Variants in NFKB1 observed in about 807,000 individuals in gnomAD.
The protein encoded by NFKB1 is nuclear factor kappa B subunit 1.
In NFKB1, 9 loss-of-function variants were observed where a neutral mutation model predicts 105.1. The ratio of observed to expected loss-of-function variants is 0.09; its 90% CI spans 0.05 to 0.15. NFKB1 has a LOEUF of 0.15. Among genes scored for constraint, NFKB1 ranks in the 10% least tolerant of loss-of-function variants. The pLI is 1.00. For synonymous variants in NFKB1, 440 were observed against 442.2 expected, an observed-to-expected ratio of 1.00 and a Z score of 0.06; for missense variants, 830 against 1,203.7, an observed-to-expected ratio of 0.69 and a Z score of 4.59.
chr4:102,566,373 A>T (rs1282401062), intron 5 of NFKB1, among the ~76,000 whole-genome samples: 1 of 152,230 alleles, frequency 6.6e-6, no homozygotes, highest in Non-Finnish European at 1.5e-5. Flanking sequence ...ACCTGAGCAT[A>T]TGTAACTCAA....
intron 8 of NFKB1, 91 bp from the exon 9 acceptor site, chr4:102,580,444 C>A: frequency 2.1e-6 from 2 of 940,764 alleles, no homozygotes; most frequent in South Asian, 2.8e-5. Flanking sequence ...TTGTTTTGGT[C>A]ATGTGTGCTA....
At chr4:102,501,864 C>G (rs537742116) in intron 1 of NFKB1, 76 bp downstream of exon 1, 1 of 152,598 alleles carries the variant, frequency 6.6e-6, no homozygotes, top group African/African-American at 2.4e-5. Context: ...CCTCCGCACC[C>G]CCTCCAGCCC....
chr4:102,616,128 C>G (rs1203819957), intron 23 of NFKB1, among the ~76,000 whole-genome samples: 1 of 152,044 alleles, frequency 6.6e-6, no homozygotes, highest in Non-Finnish European at 1.5e-5. Context: ...CACTTGATTT[C>G]TAAGGGAAAA....
At chr4:102,561,265 C>CTTTTTTTTTTTTTT in intron 5 of NFKB1, among the ~76,000 whole-genome samples, 1 of 138,290 alleles carries the variant, frequency 7.2e-6, no homozygotes, top group Non-Finnish European at 1.5e-5. Context: ...TCTTTCTTTC[C>CTTTTTTTTTTTTTT]TTTTTTTTTT....
At position 102,559,952 on chromosome 4, in the gene NFKB1, A is replaced by AG. The variant is rs937025420; in HGVS notation, c.259-7035_259-7034insG. Among the ~76,000 whole-genome samples, 17 of 150,016 alleles carry AG rather than the reference A, an allele frequency of 1.1e-4. No homozygotes were observed. The East Asian group carries it at 1.7e-3, about 15-fold the overall frequency. On this transcript the variant is annotated intron_variant, in intron 5 of 23. Transcript: ENST00000226574. ...GACCCTGTCCCTTTAAAAAAAAAAA[A>AG]AAAGAAAGAAAGAAAAAGAAATATA... is the stretch of plus-strand genomic sequence containing the variant.
At chr4:102,601,066 C>G in intron 16 of NFKB1, 57 bp downstream of exon 16, 1 of 1,135,164 alleles carries the variant, frequency 8.8e-7, no homozygotes, top group South Asian at 1.3e-5. Flanking sequence ...ACTTTTTCTT[C>G]TGTTATGTTT....
intron 4 of NFKB1, among the ~76,000 whole-genome samples, chr4:102,535,343 G>A (rs748242664): frequency 6.6e-6 from 1 of 151,996 alleles, no homozygotes; most frequent in Non-Finnish European, 1.5e-5. Context: ...CCTTATTATG[G>A]ATCCAACAGT....
At chr4:102,593,212 C>G (rs1726314870) in intron 11 of NFKB1, 2 of 413,690 alleles carry the variant, frequency 4.8e-6, no homozygotes. Context: ...TGGGTGTGTA[C>G]TGCTCTGTGG....
In NFKB1 at chr4:102,596,218, A is replaced by T. The variant is rs766947944; in HGVS notation, c.1381A>T (p.Lys461Ter). Residue 461 changes from lysine to a stop codon, truncating the protein, a stop_gained, in exon 14 of 24, where the codon AAA becomes TAA. Coordinates refer to ENST00000226574, the MANE Select transcript of NFKB1 (RefSeq NM_003998.4). LOFTEE classifies it high-confidence loss of function. ...DDKNTVNLFG[K>*]VIETTEQDQE... The stretch of plus-strand genomic sequence containing the variant: ...CAAAAACACTGTAAACCTCTTTGGG[A>T]AAGTTATTGAAACCACAGAGCAAGA... 6.2e-7 allele frequency: 1 copy of T among 1,613,542 alleles called. No individual in the cohort carries two copies. Among genetic ancestry groups the T allele is most frequent in the African/African-American group, 1.3e-5 (1 of 75,048 alleles).
At chr4:102,533,097 C>T (rs1263805605) in intron 3 of NFKB1, among the ~76,000 whole-genome samples, 2 of 151,994 alleles carry the variant, frequency 1.3e-5, no homozygotes, top group East Asian at 1.9e-4. Context: ...TTATAAAATG[C>T]CTGAGATGTT....
At chr4:102,527,442 G>A (rs916895099) in intron 2 of NFKB1, among the ~76,000 whole-genome samples, 2 of 152,006 alleles carry the variant, frequency 1.3e-5, no homozygotes, top group Admixed American at 1.3e-4. Flanking sequence ...TTAAAATAGT[G>A]GATTTCTGAA....
At chr4:102,609,545 G>A (rs531188901) in intron 19 of NFKB1, among the ~76,000 whole-genome samples, 1 of 144,040 alleles carries the variant, frequency 6.9e-6, no homozygotes, top group East Asian at 2.2e-4. Flanking sequence ...CCTGGAGGCT[G>A]AGGTTGCAGT....
chr4:102,564,279 A>G (rs1002876422), intron 5 of NFKB1, among the ~76,000 whole-genome samples: 5 of 152,244 alleles, frequency 3.3e-5, no homozygotes, highest in Non-Finnish European at 5.9e-5. Flanking sequence ...CGTAGAGCAA[A>G]TGAATTTCTG....
intron 15 of NFKB1, among the ~76,000 whole-genome samples, chr4:102,598,316 T>G (rs1358893409): frequency 6.6e-6 from 1 of 152,176 alleles, no homozygotes; most frequent in African/African-American, 2.4e-5. Context: ...CATTGAGACT[T>G]CTAAAATGAT....
At chr4:102,562,854 G>A (rs1047831852) in intron 5 of NFKB1, among the ~76,000 whole-genome samples, 1 of 152,082 alleles carries the variant, frequency 6.6e-6, no homozygotes, top group African/African-American at 2.4e-5. Flanking sequence ...TTTGAAAATT[G>A]TGTATTTTCC....
chr4:102,592,046 G>A (rs1171649665), intron 11 of NFKB1, among the ~76,000 whole-genome samples: 1 of 152,224 alleles, frequency 6.6e-6, no homozygotes, highest in Non-Finnish European at 1.5e-5. Context: ...AGCAGATGTG[G>A]TGGAAATAGC....
rs184758900 is a variant in NFKB1 at position 102,532,343 on chromosome 4, C to A, written c.119-1502C>A. On this transcript the variant is annotated intron_variant, in intron 3 of 23. Transcript: ENST00000226574. ...AATATTGAAAAGATAAAAATAAATT[C>A]TCTGGCCGGGTGAGGTGGCTCACGC... is the stretch of plus-strand genomic sequence containing the variant. Among the ~76,000 whole-genome samples the A allele has an allele frequency of 1.1e-4, 16 of 152,222 alleles. No individual in the cohort carries two copies. In the East Asian group the frequency reaches 3.1e-3, roughly 29 times the overall value.
chr4:102,512,301 C>T (rs2149099116), intron 1 of NFKB1, among the ~76,000 whole-genome samples: 1 of 152,272 alleles, frequency 6.6e-6, no homozygotes, highest in East Asian at 1.9e-4. Context: ...ACCTATTTCT[C>T]CCCACTCAGT....
At chr4:102,543,554 A>G (rs951814888) in intron 5 of NFKB1, among the ~76,000 whole-genome samples, 2 of 151,876 alleles carry the variant, frequency 1.3e-5, no homozygotes, top group Admixed American at 1.3e-4. Flanking sequence ...GACGTGTTGA[A>G]ATGTTTAGGT....
Sources: allele counts gnomAD v4.1 joint callset (sites outside exome capture counted in the v4.1 genomes callset), GRCh38; gene constraint gnomAD v4.1.1; transcripts MANE v1.5; gene names NCBI Gene and HGNC (gene_info 2026-07-23, HGNC 2026-07-21).